The following ERC1 variants were observed in gnomAD, a reference collection of about 807,000 sequenced individuals.
ERC1 encodes the protein ELKS/RAB6-interacting/CAST family member 1.
In ERC1, 56 loss-of-function variants were observed where a neutral mutation model predicts 132.0. The observed-to-expected ratio is 0.42, with a 90% CI of 0.34 to 0.53. The LOEUF (loss-of-function observed/expected upper bound fraction) is 0.53, where lower values mean the gene tolerates loss of function less well. ERC1 is among the 20% of genes least tolerant of loss of function. The probability of loss-of-function intolerance (pLI) is 0.03; values close to 1 mark genes in which losing one functional copy is unlikely to be tolerated. For missense variants in ERC1, 1,202 were observed against 1,349.9 expected (o/e 0.89, Z 1.72); for synonymous variants, 478 against 476.1 (o/e 1.00, Z -0.05).
At chr12:1,440,603 TGTGTGTGTGTGTGTGTGTGTGTGTGTG>T (rs1565445314) in intron 17 of ERC1, among the ~76,000 whole-genome samples, 322 of 15,094 alleles carry the variant, frequency 0.021, 35 homozygotes, top group African/African-American at 0.041. Context: ...CAGCCTTTTG[TGTGTGTGTGTGTGTGTGTGTGTGTGTG>T]TGTGTGTGTG....
intron 2 of ERC1, among the ~76,000 whole-genome samples, chr12:1,053,766 C>T (rs1215906183): frequency 6.6e-6 from 1 of 152,226 alleles, no homozygotes; most frequent in East Asian, 1.9e-4. Context: ...TTTCCTTTAA[C>T]AGGGAGGCCA....
chr12:1,353,848 C>T (rs931113080), intron 15 of ERC1, among the ~76,000 whole-genome samples: 2 of 152,216 alleles, frequency 1.3e-5, no homozygotes, highest in African/African-American at 4.8e-5. Context: ...TAGTAACTTT[C>T]GAAAAACTAA....
intron 17 of ERC1, among the ~76,000 whole-genome samples, chr12:1,437,945 A>G (rs1022910666): frequency 8.5e-5 from 13 of 152,370 alleles, no homozygotes; most frequent in Admixed American, 2.0e-4. Flanking sequence ...TTGACAGACC[A>G]TAAAACCCTT....
intron 2 of ERC1, among the ~76,000 whole-genome samples, chr12:1,055,439 C>CA (rs780839590): frequency 3.3e-5 from 5 of 152,150 alleles, no homozygotes; most frequent in Non-Finnish European, 5.9e-5. Context: ...CTCAGCCTCC[C>CA]AAGGTGCTGG....
Position 1,017,602 on chromosome 12 carries a change from G to A in ERC1, c.-156-10146G>A, listed in dbSNP as rs575053260. On this transcript the variant is annotated intron_variant, in intron 1 of 18. Transcript: ENST00000360905. ...CAACCTCCACCTCCCGGGTTCAAGC[G>A]ATTCTCATGCCTCAGCCTCCCAAGT... 4.0e-5 allele frequency among the ~76,000 whole-genome samples: 6 copies of A among 150,490 alleles called. No individual in the cohort carries two copies. In the East Asian group the frequency reaches 5.9e-4, roughly 15 times the overall value.
At chr12:1,420,296 T>C (rs2092370076) in intron 17 of ERC1, among the ~76,000 whole-genome samples, 2 of 152,160 alleles carry the variant, frequency 1.3e-5, no homozygotes, top group Non-Finnish European at 1.5e-5. Context: ...TCAATAGAGA[T>C]ACAAATTTGG....
chr12:1,026,920 G>A (rs966336875), intron 1 of ERC1, among the ~76,000 whole-genome samples: 1 of 152,200 alleles, frequency 6.6e-6, no homozygotes, highest in Non-Finnish European at 1.5e-5. Flanking sequence ...TGAAAGGAAG[G>A]GATCTATAGC....
At chr12:1,330,779 G>T (rs74443909) in intron 15 of ERC1, among the ~76,000 whole-genome samples, 4,671 of 152,108 alleles carry the variant, frequency 0.031, 93 homozygotes, top group South Asian at 0.087. Context: ...CTAATATTTT[G>T]TTCTGCAACT....
intron 2 of ERC1, among the ~76,000 whole-genome samples, chr12:1,033,181 C>T (rs927681675): frequency 1.3e-5 from 2 of 151,924 alleles, no homozygotes; most frequent in Admixed American, 6.6e-5. Context: ...GGACTACAGG[C>T]GCCTGCCACC....
chr12:1,425,471 G>C (rs2092606178), intron 17 of ERC1, among the ~76,000 whole-genome samples: 2 of 152,182 alleles, frequency 1.3e-5, no homozygotes, highest in South Asian at 4.1e-4. Flanking sequence ...ACTGTCCTAA[G>C]ACATGCCAGT....
intron 1 of ERC1, among the ~76,000 whole-genome samples, chr12:1,003,101 A>AAAAAAAAAAAAAAAG (rs1962763296): frequency 7.4e-6 from 1 of 134,910 alleles, no homozygotes; most frequent in East Asian, 2.0e-4. Context: ...AAATGCAAAA[A>AAAAAAAAAAAAAAAG]AAAAAAAAAA....
chr12:1,254,262 C>T (rs1275852619), intron 13 of ERC1, among the ~76,000 whole-genome samples: 1 of 152,154 alleles, frequency 6.6e-6, no homozygotes, highest in Non-Finnish European at 1.5e-5. Context: ...CAGTACATTT[C>T]TAAATTTTGG....
chr12:1,000,451 A>C (rs1276212098), intron 1 of ERC1, among the ~76,000 whole-genome samples: 3 of 151,312 alleles, frequency 2.0e-5, no homozygotes, highest in African/African-American at 7.3e-5. Flanking sequence ...ACACCACTGC[A>C]CTCCAGTCTG....
Position 1,319,338 on chromosome 12 carries a change from G to A in ERC1, c.2780+29326G>A, listed in dbSNP as rs562741460. 1.2e-3 allele frequency among the ~76,000 whole-genome samples: 182 copies of A among 152,180 alleles called. 1 individual carries two copies. Among genetic ancestry groups the A allele is most frequent in the African/African-American group, 4.0e-3 (165 of 41,514 alleles). ...TTAAGGATAGTATTTACCTCTGTTT[G>A]TTAGCTTTCTGCTTTCCTTCGTATA... On this transcript the variant is annotated intron_variant, in intron 15 of 18. Coordinates refer to ENST00000360905, the MANE Select transcript of ERC1 (RefSeq NM_178040.4).
chr12:1,483,841 C>G (rs1448427008), intron 18 of ERC1, among the ~76,000 whole-genome samples: 1 of 151,796 alleles, frequency 6.6e-6, no homozygotes, highest in Non-Finnish European at 1.5e-5. Flanking sequence ...CAGGCACTCA[C>G]CACCACATGT....
At position 1,124,798 on chromosome 12, in the gene ERC1, A is replaced by G. The variant is rs74057032; in HGVS notation, c.1569+8765A>G. On this transcript the variant is annotated intron_variant, in intron 7 of 18. Transcript: ENST00000360905. ...AAATAATATAAGACAACTCTAAACA[A>G]TTATATTCGAATAAGCTTGAAAAAC... Among the ~76,000 whole-genome samples, 1,430 of 152,228 alleles carry G rather than the reference A, an allele frequency of 9.4e-3. 20 individuals carry two copies. The highest frequency in any genetic ancestry group is 0.031 in the African/African-American group (1,299 of 41,542).
intron 14 of ERC1, among the ~76,000 whole-genome samples, chr12:1,266,885 G>C (rs1945420426): frequency 6.6e-6 from 1 of 152,180 alleles, no homozygotes; most frequent in Non-Finnish European, 1.5e-5. Context: ...TTCTGGGAAA[G>C]AATGACTTTT....
At position 1,198,206 on chromosome 12, in the gene ERC1, A is replaced by C. The variant is rs1314625120; in HGVS notation, c.2351+8154A>C. On this transcript the variant is annotated intron_variant, in intron 12 of 18. Coordinates refer to ENST00000360905, the MANE Select transcript of ERC1 (RefSeq NM_178040.4). The stretch of plus-strand genomic sequence containing the variant: ...GCATCCCAAAGTGATACGATTACAG[A>C]GGTGAGCCACTGCAGCCAGCCCTGA... Among the ~76,000 whole-genome samples, 3 of 152,206 alleles carry C rather than the reference A, an allele frequency of 2.0e-5. No homozygotes were observed. The East Asian group carries it at 5.8e-4, about 29-fold the overall frequency.
chr12:1,431,625 T>C (rs2092800428), intron 17 of ERC1, among the ~76,000 whole-genome samples: 1 of 152,238 alleles, frequency 6.6e-6, no homozygotes, highest in Non-Finnish European at 1.5e-5. Context: ...CCTGTAACTG[T>C]CAGTTTTCAT....
Sources: allele counts gnomAD v4.1 joint callset (sites outside exome capture counted in the v4.1 genomes callset), GRCh38; gene constraint gnomAD v4.1.1; transcripts MANE v1.5; gene names NCBI Gene and HGNC (gene_info 2026-07-23, HGNC 2026-07-21).